Variants in CSF2RA observed in about 807,000 individuals in gnomAD.
CSF2RA encodes granulocyte-macrophage colony-stimulating factor receptor subunit alpha.
A neutral mutation model predicts 51.6 loss-of-function variants in CSF2RA; 42 were observed. The observed-to-expected ratio is 0.81, with a 90% CI of 0.64 to 1.05. The LOEUF is 1.05. Among genes scored for constraint, CSF2RA ranks in the 50% least tolerant of loss-of-function variants. The pLI is 0.00. For missense variants in CSF2RA, 530 were observed against 501.1 expected (o/e 1.06, Z -0.55); for synonymous variants, 222 against 193.0 (o/e 1.15, Z -1.24).
chrX:1,313,149 G>T (rs2084257200), downstream of CSF2RA, among the ~76,000 whole-genome samples: 1 of 152,272 alleles, frequency 6.6e-6, no homozygotes, highest in Non-Finnish European at 1.5e-5. Flanking sequence ...CAGAGGCCGG[G>T]CGTGGTAGCC....
At chrX:1,274,191 C>G (rs1318552491) in intron 1 of CSF2RA, among the ~76,000 whole-genome samples, 1 of 152,112 alleles carries the variant, frequency 6.6e-6, no homozygotes, top group Non-Finnish European at 1.5e-5. Flanking sequence ...GTATCTGAGA[C>G]AGGTCTCAGT....
At chrX:1,290,308 TG>T in intron 6 of CSF2RA, 28 bp from the exon 7 acceptor site, 1 of 1,587,706 alleles carries the variant, frequency 6.3e-7, no homozygotes, top group Admixed American at 1.7e-5. Flanking sequence ...TTTTCCTGAT[TG>T]CTCTCTGAGC....
chrX:1,286,798 G>T (rs192282201), intron 4 of CSF2RA, among the ~76,000 whole-genome samples: 21 of 152,254 alleles, frequency 1.4e-4, no homozygotes, highest in African/African-American at 4.8e-4. Flanking sequence ...AATGCAGTTG[G>T]ATGTGCCCCT....
the CSF2RA span, among the ~76,000 whole-genome samples, chrX:1,320,148 G>C: frequency 6.6e-6 from 1 of 151,856 alleles, no homozygotes; most frequent in Non-Finnish European, 1.5e-5. Context: ...ACCTGCCTCG[G>C]CCTCCCAAAG....
intron 9 of CSF2RA, among the ~76,000 whole-genome samples, chrX:1,296,721 A>C (rs1603431070): frequency 1.2e-4 from 2 of 16,476 alleles, no homozygotes; most frequent in Admixed American, 1.1e-3. Flanking sequence ...CACGACCCCT[A>C]CAGTCTCCTA....
Position 1,309,786 on chromosome X carries a change from G to T in CSF2RA, c.*307G>T. ...GCCCATCATCCCAGCTACTTGGGAG[G>T]CTGAGGCAGGAGAATTGCTTGAACC... On this transcript the variant is annotated 3_prime_UTR_variant, in exon 13 of 13. Transcript: ENST00000381529. 1 of 633,608 alleles carries T rather than the reference G, an allele frequency of 1.6e-6. No homozygotes were observed. Among genetic ancestry groups the T allele is most frequent in the Non-Finnish European group, 2.8e-6 (1 of 356,086 alleles). 39.2% of individuals were successfully genotyped at this position (633,608 alleles called of 1,614,324 possible). A position where few individuals can be genotyped will look rare whatever the true frequency, so the allele number is the denominator to read the frequency against.
chrX:1,273,459 C>T (rs1205025350), intron 1 of CSF2RA, among the ~76,000 whole-genome samples: 4 of 151,954 alleles, frequency 2.6e-5, no homozygotes, highest in Non-Finnish European at 4.4e-5. Context: ...GCGTAATATG[C>T]ATGAGCCATC....
At chrX:1,308,431 G>C (rs191394337) in intron 12 of CSF2RA, among the ~76,000 whole-genome samples, 32 of 152,216 alleles carry the variant, frequency 2.1e-4, no homozygotes, top group African/African-American at 7.2e-4. Context: ...GACCGAGAGA[G>C]AGGCTGAACA....
intron 11 of CSF2RA, among the ~76,000 whole-genome samples, chrX:1,304,846 G>T (rs2083395946): frequency 6.6e-6 from 1 of 150,802 alleles, no homozygotes; most frequent in Non-Finnish European, 1.5e-5. Context: ...TGTATTTTTA[G>T]TAGAGATGGG....
At chrX:1,305,937 C>G in intron 12 of CSF2RA, 2 of 734,946 alleles carry the variant, frequency 2.7e-6, no homozygotes, top group Non-Finnish European at 2.2e-6. Flanking sequence ...AAAAAATTAG[C>G]TGGGTGTGGT....
Position 1,288,746 on chromosome X carries a change from T to C in CSF2RA, c.344-13T>C, listed in dbSNP as rs1240681115. On this transcript the variant is annotated splice_polypyrimidine_tract_variant and intron_variant, in intron 5 of 12. Coordinates refer to ENST00000381529, the MANE Select transcript of CSF2RA (RefSeq NM_172245.4). ...TTCGGAGTGAAAATTATTTTGTTTC[T>C]ACCTCTTCCCAGGAAGGGAGGGTAC... 6.2e-7 allele frequency: 1 copy of C among 1,613,918 alleles called. No homozygotes were observed. The highest frequency in any genetic ancestry group is 8.5e-7 in the Non-Finnish European group (1 of 1,179,840).
At chrX:1,284,194 T>C (rs1298286267) in intron 3 of CSF2RA, among the ~76,000 whole-genome samples, 1 of 115,820 alleles carries the variant, frequency 8.6e-6, no homozygotes, top group Non-Finnish European at 1.8e-5. Context: ...TCTCTGTCTC[T>C]CTTTTTTTTT....
In CSF2RA at chrX:1,288,550, G is replaced by T; in HGVS notation, c.251G>T (p.Arg84Leu). 1 of 1,613,888 alleles carries T rather than the reference G, an allele frequency of 6.2e-7. No homozygotes were observed. The highest frequency in any genetic ancestry group is 8.5e-7 in the Non-Finnish European group (1 of 1,179,854). ...LSNNECSCTF[R>L]EICLHEGVTF... ...AACAACGAATGTTCGTGCACATTTC[G>T]TGAAATTTGTCTGCATGAAGGAGTC... The change falls in exon 5 of 13, where the codon CGT becomes CTT. Residue 84 changes from arginine to leucine, a missense_variant. Arg to Leu is a moderately radical substitution (Grantham distance 102, BLOSUM62 -2). Coordinates refer to ENST00000381529, the MANE Select transcript of CSF2RA (RefSeq NM_172245.4).
chrX:1,295,558 T>G, intron 9 of CSF2RA, 102 bp downstream of exon 9: 2 of 857,240 alleles, frequency 2.3e-6, no homozygotes, highest in East Asian at 2.9e-5. Flanking sequence ...TCATGACCCC[T>G]ACAGTCCCCT....
downstream of CSF2RA, among the ~76,000 whole-genome samples, chrX:1,314,382 TGCCTGCCCAACCAC>T (rs2084362782): frequency 1.9e-4 from 24 of 127,602 alleles, no homozygotes; most frequent in African/African-American, 7.8e-4. Context: ...AACCACTCTG[TGCCTGCCCAACCAC>T]ACTGCACCTG....
chrX:1,280,922 C>CCTCCTG (rs2089877389), intron 2 of CSF2RA, among the ~76,000 whole-genome samples: 4 of 133,080 alleles, frequency 3.0e-5, no homozygotes, highest in African/African-American at 5.7e-5. Flanking sequence ...TCCTCCTCCT[C>CCTCCTG]CTCCTTCTCC....
chrX:1,323,276 G>C, the CSF2RA span, among the ~76,000 whole-genome samples: 2 of 151,860 alleles, frequency 1.3e-5, no homozygotes, highest in African/African-American at 4.8e-5. Context: ...CACTTTGGGA[G>C]GCCGAGGCGG....
intron 4 of CSF2RA, among the ~76,000 whole-genome samples, chrX:1,286,527 C>T (rs1195772361): frequency 1.3e-5 from 2 of 151,684 alleles, no homozygotes; most frequent in Non-Finnish European, 1.5e-5. Flanking sequence ...CGAGATGGTG[C>T]CATTGCACTC....
At chrX:1,275,619 C>T (rs1405975667) in intron 2 of CSF2RA, among the ~76,000 whole-genome samples, 2 of 151,154 alleles carry the variant, frequency 1.3e-5, no homozygotes, top group Non-Finnish European at 1.5e-5. Context: ...AGTGCAGTGG[C>T]GCGATCTCGG....
Sources: gnomAD v4.1 joint callset for allele counts (sites outside exome capture counted in the v4.1 genomes callset) on GRCh38, gnomAD v4.1.1 for gene constraint, MANE v1.5 for transcripts, NCBI Gene and HGNC (gene_info 2026-07-23, HGNC 2026-07-21) for gene names.